LMO1: variants seen among roughly 807,000 people sequenced by gnomAD.
The protein encoded by LMO1 is rhombotin-1.
Under a neutral mutation model 18.0 loss-of-function variants are expected in LMO1, and 10 were observed. That is an observed-to-expected ratio of 0.55 (90% CI 0.34 to 0.94). The LOEUF (loss-of-function observed/expected upper bound fraction) is 0.94. LMO1 is among the 40% of genes least tolerant of loss of function. LMO1 has a pLI of 0.02. For missense variants in LMO1, 183 were observed against 205.7 expected, an observed-to-expected ratio of 0.89 and a Z score of 0.68; for synonymous variants, 77 against 77.9, an observed-to-expected ratio of 0.99 and a Z score of 0.06.
chr11:8,230,151 G>C lies in LMO1; in HGVS notation c.239+140C>G, dbSNP rs1011924424. ...ACTTCTCAGGTATCTGGGGCAAGCA[G>C]GGCAGGGGCAGGACAGTCAAGAATG... is the stretch of plus-strand genomic sequence containing the variant. On this transcript the variant is annotated intron_variant, in intron 2 of 3. Coordinates refer to ENST00000335790, the MANE Select transcript of LMO1 (RefSeq NM_002315.3). 19 of 746,328 alleles carry C rather than the reference G, an allele frequency of 2.5e-5. No homozygotes were observed. In the East Asian group the frequency reaches 4.7e-4, roughly 19 times the overall value. The allele number at this position is 746,328 out of a possible 1,614,324, so 46.2% of individuals were successfully genotyped here.
intron 1 of LMO1, among the ~76,000 whole-genome samples, chr11:8,263,006 G>A (rs1363970027): frequency 6.6e-6 from 1 of 152,110 alleles, no homozygotes; most frequent in Non-Finnish European, 1.5e-5. Context: ...GAACCTCCGC[G>A]GCGCGGAGAT....
At chr11:8,249,221 C>G (rs1297500351) in intron 1 of LMO1, among the ~76,000 whole-genome samples, 1 of 152,206 alleles carries the variant, frequency 6.6e-6, no homozygotes, top group Non-Finnish European at 1.5e-5. Flanking sequence ...AGACCCTCAC[C>G]TGCCTCACCC....
At chr11:8,253,658 AG>A (rs1847041789) in intron 1 of LMO1, among the ~76,000 whole-genome samples, 1 of 152,116 alleles carries the variant, frequency 6.6e-6, no homozygotes, top group African/African-American at 2.4e-5. Context: ...GAGGACACGC[AG>A]GATGGAGCAG....
chr11:8,264,796 T>G (rs1213510268), upstream of LMO1, among the ~76,000 whole-genome samples: 2 of 152,108 alleles, frequency 1.3e-5, no homozygotes, highest in Non-Finnish European at 2.9e-5. Flanking sequence ...CACGCCCAGC[T>G]AATTTTTGTA....
chr11:8,224,670 C>G lies in LMO1; in HGVS notation c.417G>C (p.Gln139His). 2 of 1,611,372 alleles carry G rather than the reference C, an allele frequency of 1.2e-6. No individual in the cohort carries two copies. Among genetic ancestry groups the G allele is most frequent in the Non-Finnish European group, 1.7e-6 (2 of 1,178,704 alleles). The change falls in exon 4 of 4, where the codon CAG becomes CAC. Residue 139 changes from glutamine (Q) to histidine (H), a missense_variant. Transcript: ENST00000335790. Reference sequence around the variant, plus strand: ...TGAGCTGCCCTTCCTCATAGTCCATCTGACACAAGATCATGTTGTTCTTCA... The same window carrying G: ...TGAGCTGCCCTTCCTCATAGTCCATGTGACACAAGATCATGTTGTTCTTCA... ...FFLKNNMILCQMDYEEGQLNG... is the reference protein window; with the variant it reads ...FFLKNNMILCHMDYEEGQLNG...
chr11:8,247,151 C>A (rs904344942), intron 1 of LMO1, among the ~76,000 whole-genome samples: 1 of 152,240 alleles, frequency 6.6e-6, no homozygotes, highest in South Asian at 2.1e-4. Context: ...ACTGAGCATG[C>A]CCATGGCAGG....
chr11:8,242,288 G>A (rs532158661), intron 1 of LMO1, among the ~76,000 whole-genome samples: 5 of 152,216 alleles, frequency 3.3e-5, no homozygotes, highest in Admixed American at 1.3e-4. Context: ...CCTCCACTGC[G>A]TGCCTCCCTT....
Position 8,263,637 on chromosome 11 carries a change from G to A in LMO1, c.-275C>T, listed in dbSNP as rs945502001. The A allele has an allele frequency of 1.5e-6, 2 of 1,340,344 alleles. No homozygotes were observed. Among genetic ancestry groups the A allele is most frequent in the East Asian group, 3.1e-5 (1 of 32,472 alleles). 83.0% of individuals were successfully genotyped at this position (1,340,344 alleles called of 1,614,324 possible). A position where few individuals can be genotyped will look rare whatever the true frequency, so the allele number is the denominator to read the frequency against. ...GAGAGGGAGAGGGAGAGAGAAGGGGGAAAAGAGGATCAGAGCCGTTTCTTT... is the reference window on the plus strand; with the variant it reads ...GAGAGGGAGAGGGAGAGAGAAGGGGAAAAAGAGGATCAGAGCCGTTTCTTT... On this transcript the variant is annotated 5_prime_UTR_variant, in exon 1 of 4. Coordinates refer to ENST00000335790, the MANE Select transcript of LMO1 (RefSeq NM_002315.3).
intron 1 of LMO1, among the ~76,000 whole-genome samples, chr11:8,231,463 G>T (rs535513238): frequency 1.3e-5 from 2 of 152,372 alleles, no homozygotes; most frequent in Admixed American, 1.3e-4. Context: ...CGTTGAGGAG[G>T]AGATGGGGAC....
In LMO1 at chr11:8,263,715, A is replaced by G; in HGVS notation, c.-353T>C. 8.7e-7 allele frequency: 1 copy of G among 1,150,100 alleles called. No homozygotes were observed. Among genetic ancestry groups the G allele is most frequent in the Non-Finnish European group, 1.1e-6 (1 of 935,476 alleles). The allele number at this position is 1,150,100 out of a possible 1,614,324, so 71.2% of individuals were successfully genotyped here. ...TGCCCAGTATAATCTGTCTTAATGT[A>G]ATTGCATTTGATAGCTCATAACCCT... On this transcript the variant is annotated 5_prime_UTR_variant, in exon 1 of 4. Transcript: ENST00000335790.
At chr11:8,236,804 T>G (rs1310500753) in intron 1 of LMO1, among the ~76,000 whole-genome samples, 1 of 152,196 alleles carries the variant, frequency 6.6e-6, no homozygotes, top group Non-Finnish European at 1.5e-5. Flanking sequence ...ATACAGTAGG[T>G]GCTCAGTAAG....
chr11:8,227,202 T>G (rs942959542), intron 2 of LMO1, 102 bp from the exon 3 acceptor site: 1 of 1,518,648 alleles, frequency 6.6e-7, no homozygotes, highest in Non-Finnish European at 8.8e-7. Context: ...ATACTCCAAC[T>G]TGTGGGCTCA....
intron 1 of LMO1, among the ~76,000 whole-genome samples, chr11:8,234,672 T>C (rs1952730018): frequency 6.6e-6 from 1 of 152,050 alleles, no homozygotes; most frequent in Non-Finnish European, 1.5e-5. Flanking sequence ...GGCCACCTCC[T>C]GGCAACTCCA....
At chr11:8,248,146 T>G (rs949923785) in intron 1 of LMO1, among the ~76,000 whole-genome samples, 1 of 152,202 alleles carries the variant, frequency 6.6e-6, no homozygotes, top group East Asian at 1.9e-4. Flanking sequence ...CAGTCCATGC[T>G]TGTTACCTCC....
In LMO1 at chr11:8,263,477, G is replaced by T; in HGVS notation, c.-115C>A. ...GGCAGCTAGCGGGCTCTAATTACCC[G>T]CTTGTCCGGCTCTTAACCTAGATTG... On this transcript the variant is annotated 5_prime_UTR_variant, in exon 1 of 4. Coordinates refer to ENST00000335790, the MANE Select transcript of LMO1 (RefSeq NM_002315.3). The T allele has an allele frequency of 6.6e-7, 1 of 1,523,974 alleles. No individual in the cohort carries two copies. Among genetic ancestry groups the T allele is most frequent in the Non-Finnish European group, 8.7e-7 (1 of 1,143,714 alleles). 94.4% of individuals were successfully genotyped at this position (1,523,974 alleles called of 1,614,324 possible).
intron 1 of LMO1, among the ~76,000 whole-genome samples, chr11:8,256,147 G>T (rs567120184): frequency 6.6e-6 from 1 of 152,298 alleles, no homozygotes; most frequent in South Asian, 2.1e-4. Context: ...TTAAGTACGG[G>T]TTCAGTATAA....
chr11:8,224,397 A>G lies in LMO1; in HGVS notation c.*219T>C. On this transcript the variant is annotated 3_prime_UTR_variant, in exon 4 of 4. Coordinates refer to ENST00000335790, the MANE Select transcript of LMO1 (RefSeq NM_002315.3). Reference sequence around the variant, plus strand: ...ATAAATGTTCCCATTTATATACAGAAGACAGACTGTACAGGCCCGGCCTGG... The same window carrying G: ...ATAAATGTTCCCATTTATATACAGAGGACAGACTGTACAGGCCCGGCCTGG... 1 of 565,634 alleles carries G rather than the reference A, an allele frequency of 1.8e-6. No homozygotes were observed. Among genetic ancestry groups the G allele is most frequent in the Non-Finnish European group, 3.2e-6 (1 of 316,854 alleles). The allele number at this position is 565,634 out of a possible 1,614,324, so 35.0% of individuals were successfully genotyped here.
upstream of LMO1, among the ~76,000 whole-genome samples, chr11:8,264,262 C>A (rs911194870): frequency 6.6e-6 from 1 of 151,956 alleles, no homozygotes; most frequent in African/African-American, 2.4e-5. Flanking sequence ...TACTCCTGAC[C>A]CCAGCAGCAC....
chr11:8,246,906 G>T (rs778784358), intron 1 of LMO1, among the ~76,000 whole-genome samples: 1 of 152,104 alleles, frequency 6.6e-6, no homozygotes, highest in Non-Finnish European at 1.5e-5. Flanking sequence ...CCCCTGCTGG[G>T]ATGAAAGGGA....
Sources: gnomAD v4.1 joint callset for allele counts (sites outside exome capture counted in the v4.1 genomes callset) on GRCh38, gnomAD v4.1.1 for gene constraint, MANE v1.5 for transcripts, NCBI Gene and HGNC (gene_info 2026-07-23, HGNC 2026-07-21) for gene names.